Variants in GLIS3 observed in about 807,000 individuals in gnomAD.
GLIS3 encodes GLIS family zinc finger 3.
GLIS3 carries 53 observed loss-of-function variants against 78.6 expected under a neutral mutation model. The ratio of observed to expected loss-of-function variants is 0.67; its 90% confidence interval spans 0.54 to 0.85. The LOEUF (loss-of-function observed/expected upper bound fraction) is 0.85, where lower values mean the gene tolerates loss of function less well. GLIS3 is among the 40% of genes least tolerant of loss of function. The pLI, the probability that GLIS3 is intolerant of heterozygous loss-of-function variation, is 0.00. For synonymous variants in GLIS3, 684 were observed against 509.9 expected, an observed-to-expected ratio of 1.34 and a Z score of -4.60; for missense variants, 1,703 against 1,231.1, an observed-to-expected ratio of 1.38 and a Z score of -5.74.
At chr9:4,294,664 CTG>C (rs1310595289) in intron 1 of GLIS3, among the ~76,000 whole-genome samples, 1 of 151,956 alleles carries the variant, frequency 6.6e-6, no homozygotes, top group African/African-American at 2.4e-5. Context: ...AGTTATTTGC[CTG>C]TGTTTCACTT....
chr9:4,284,089 C>G (rs1827783149), intron 2 of GLIS3, among the ~76,000 whole-genome samples: 1 of 152,246 alleles, frequency 6.6e-6, no homozygotes, highest in African/African-American at 2.4e-5. Context: ...ATTACAGCCA[C>G]TGCTGACCGC....
intron 2 of GLIS3, among the ~76,000 whole-genome samples, chr9:4,127,705 T>C (rs1245452777): frequency 6.6e-6 from 1 of 152,172 alleles, no homozygotes; most frequent in Non-Finnish European, 1.5e-5. Context: ...GAATTCTCTA[T>C]ATGAATTCTT....
intron 7 of GLIS3, among the ~76,000 whole-genome samples, chr9:3,880,255 C>A (rs948620224): frequency 6.6e-6 from 1 of 152,268 alleles, no homozygotes; most frequent in East Asian, 1.9e-4. Flanking sequence ...CACTGTTGCC[C>A]GTTATGACAC....
At chr9:4,410,202 G>C in the GLIS3 span, among the ~76,000 whole-genome samples, 1 of 149,714 alleles carries the variant, frequency 6.7e-6, no homozygotes, top group Non-Finnish European at 1.5e-5. Flanking sequence ...GTCTCAAACT[G>C]CTGGCCTCAA....
chr9:4,010,326 A>G (rs1821899041), intron 4 of GLIS3, among the ~76,000 whole-genome samples: 1 of 152,174 alleles, frequency 6.6e-6, no homozygotes, highest in Admixed American at 6.5e-5. Context: ...ATATGGGAAG[A>G]TGATAACATC....
the GLIS3 span, among the ~76,000 whole-genome samples, chr9:4,400,032 G>A: frequency 6.6e-6 from 1 of 152,190 alleles, no homozygotes; most frequent in Non-Finnish European, 1.5e-5. Flanking sequence ...AGGCCACAGG[G>A]CAAGCAGGAT....
chr9:4,111,877 AAG>A lies in GLIS3; in HGVS notation c.1710+5889_1710+5890del, dbSNP rs1233683078. Among the ~76,000 whole-genome samples, 4 of 152,202 alleles carry A rather than the reference AAG, an allele frequency of 2.6e-5. No homozygotes were observed. The East Asian group carries it at 7.7e-4, about 29-fold the overall frequency. On this transcript the variant is annotated intron_variant, in intron 4 of 10. Coordinates refer to ENST00000381971, the MANE Select transcript of GLIS3 (RefSeq NM_001042413.2). Reference sequence around the variant, plus strand: ...GGTGGTGTTTCAGCCTCAAGAGACAAAGAGGATATTAATGTTAATTTTATTTA... The same window carrying A: ...GGTGGTGTTTCAGCCTCAAGAGACAAAGGATATTAATGTTAATTTTATTTA...
chr9:4,414,931 C>T, the GLIS3 span, among the ~76,000 whole-genome samples: 1 of 151,962 alleles, frequency 6.6e-6, no homozygotes, highest in Admixed American at 6.6e-5. Flanking sequence ...ATCCACTGAT[C>T]CCCACCCTGC....
At chr9:4,470,450 A>G in the GLIS3 span, among the ~76,000 whole-genome samples, 2 of 152,230 alleles carry the variant, frequency 1.3e-5, no homozygotes, top group Non-Finnish European at 2.9e-5. Flanking sequence ...CTAGTTCAAC[A>G]TATGCAAATC....
intron 8 of GLIS3, among the ~76,000 whole-genome samples, chr9:3,861,365 C>A (rs540508317): frequency 6.6e-6 from 1 of 152,132 alleles, no homozygotes; most frequent in East Asian, 1.9e-4. Context: ...TCCTCAAAGA[C>A]CTAGAACCAG....
At chr9:3,958,003 T>G (rs1817264138) in intron 4 of GLIS3, among the ~76,000 whole-genome samples, 1 of 152,240 alleles carries the variant, frequency 6.6e-6, no homozygotes, top group Admixed American at 6.5e-5. Context: ...GTCACACTCC[T>G]AAAGTTCTTT....
the GLIS3 span, among the ~76,000 whole-genome samples, chr9:4,413,666 C>T: frequency 1.3e-5 from 2 of 152,208 alleles, no homozygotes; most frequent in Non-Finnish European, 2.9e-5. Flanking sequence ...CTAGTAGCAT[C>T]CTGAACATTG....
chr9:4,154,002 G>A (rs1035392099), intron 2 of GLIS3, among the ~76,000 whole-genome samples: 4 of 152,204 alleles, frequency 2.6e-5, no homozygotes, highest in South Asian at 2.1e-4. Context: ...GCACACTCCC[G>A]TGCTGCCAGG....
intron 2 of GLIS3, among the ~76,000 whole-genome samples, chr9:4,328,659 G>A (rs1339858992): frequency 6.6e-6 from 1 of 152,230 alleles, no homozygotes; most frequent in African/African-American, 2.4e-5. Context: ...GAGAGCCTGG[G>A]CTGGAATCTT....
intron 2 of GLIS3, among the ~76,000 whole-genome samples, chr9:4,203,420 G>C (rs1819581560): frequency 6.6e-6 from 1 of 152,204 alleles, no homozygotes; most frequent in Non-Finnish European, 1.5e-5. Flanking sequence ...GCAGTTCCGA[G>C]ATTTCTCAAG....
chr9:4,157,850 T>G (rs769242732), intron 2 of GLIS3, among the ~76,000 whole-genome samples: 13 of 152,240 alleles, frequency 8.5e-5, no homozygotes, highest in Non-Finnish European at 1.8e-4. Context: ...TTAATTAGTT[T>G]AGCTATTGCT....
At chr9:4,175,506 C>A (rs1364597748) in intron 2 of GLIS3, among the ~76,000 whole-genome samples, 1 of 152,142 alleles carries the variant, frequency 6.6e-6, no homozygotes, top group Non-Finnish European at 1.5e-5. Flanking sequence ...TTTATATATC[C>A]TTTGAGACAC....
chr9:4,439,990 C>A, the GLIS3 span, among the ~76,000 whole-genome samples: 1 of 152,188 alleles, frequency 6.6e-6, no homozygotes, highest in South Asian at 2.1e-4. Context: ...GCCTACATGT[C>A]TTCTTTTGAG....
chr9:4,161,782 C>T (rs933611820), intron 2 of GLIS3, among the ~76,000 whole-genome samples: 2 of 148,498 alleles, frequency 1.3e-5, no homozygotes, highest in African/African-American at 5.0e-5. Flanking sequence ...AGGTTCCAAG[C>T]AATCCTCCCC....
Sources: allele counts gnomAD v4.1 joint callset (sites outside exome capture counted in the v4.1 genomes callset), GRCh38; gene constraint gnomAD v4.1.1; transcripts MANE v1.5; gene names NCBI Gene and HGNC (gene_info 2026-07-23, HGNC 2026-07-21).